Variants in CAP2 observed in about 807,000 individuals in gnomAD.
CAP2 encodes cyclase associated actin cytoskeleton regulatory protein 2, also known as adenylyl cyclase-associated protein 2.
CAP2 carries 24 observed loss-of-function variants against 57.7 expected under a neutral mutation model. The ratio of observed to expected loss-of-function variants is 0.42; its 90% CI spans 0.30 to 0.58. The LOEUF is 0.58. CAP2 is among the 20% of genes least tolerant of loss of function. The probability of loss-of-function intolerance (pLI) is 0.22; values close to 1 mark genes in which losing one functional copy is unlikely to be tolerated. For missense variants in CAP2, 501 were observed against 590.3 expected (o/e 0.85, Z 1.57); for synonymous variants, 194 against 207.2 (o/e 0.94, Z 0.55).
At chr6:17,537,681 A>G (rs963334239) in intron 7 of CAP2, among the ~76,000 whole-genome samples, 3 of 152,170 alleles carry the variant, frequency 2.0e-5, no homozygotes, top group South Asian at 2.1e-4. Context: ...TCCAAGCCAC[A>G]TTTCCATTAC....
At chr6:17,488,337 A>G (rs1761470098) in intron 4 of CAP2, among the ~76,000 whole-genome samples, 1 of 152,170 alleles carries the variant, frequency 6.6e-6, no homozygotes, top group Non-Finnish European at 1.5e-5. Flanking sequence ...ATCCATAAGT[A>G]ATAAGCAAAC....
In CAP2 at chr6:17,478,480, T is replaced by C. The variant is rs183324829; in HGVS notation, c.300+15407T>C. On this transcript the variant is annotated intron_variant, in intron 4 of 12. Transcript: ENST00000229922. ...CTTTTTATTCAGAATACTTTTTTAA[T>C]CTGATAACATTATAAATATCCCTTT... 3.0e-4 allele frequency among the ~76,000 whole-genome samples: 45 copies of C among 152,154 alleles called. No individual in the cohort carries two copies. The East Asian group carries it at 7.9e-3, about 27-fold the overall frequency.
In CAP2 at chr6:17,513,780, C is replaced by T. The variant is rs1464176561; in HGVS notation, c.531-69C>T. The T allele has an allele frequency of 2.8e-6, 3 of 1,066,434 alleles. No homozygotes were observed. The African/African-American group carries it at 4.8e-5, about 17-fold the overall frequency. The allele number at this position is 1,066,434 out of a possible 1,614,324, so 66.1% of individuals were successfully genotyped here. A position where few individuals can be genotyped will look rare whatever the true frequency, so the allele number is the denominator to read the frequency against. On this transcript the variant is annotated intron_variant, in intron 6 of 12. Coordinates refer to ENST00000229922, the MANE Select transcript of CAP2 (RefSeq NM_006366.3). The surrounding 1 kb of genome is among the most constrained non-coding windows in gnomAD (Gnocchi z 4.3). ...CCTAGTCACTAGATAACCATGTGCCCCCACAATTTTTTTAAAATTTTATTT... is the reference window on the plus strand; with the variant it reads ...CCTAGTCACTAGATAACCATGTGCCTCCACAATTTTTTTAAAATTTTATTT...
intron 4 of CAP2, among the ~76,000 whole-genome samples, chr6:17,467,892 G>C (rs1760910748): frequency 6.6e-6 from 1 of 152,054 alleles, no homozygotes; most frequent in Admixed American, 6.6e-5. Flanking sequence ...TCAAATAGTA[G>C]GCCTTATTCA....
intron 3 of CAP2, among the ~76,000 whole-genome samples, chr6:17,432,299 T>C (rs1352978941): frequency 1.3e-5 from 2 of 152,142 alleles, no homozygotes; most frequent in Non-Finnish European, 2.9e-5. Context: ...TTAGAATCTG[T>C]GTCTATCCAG....
At chr6:17,504,724 A>AACAC (rs138296308) in intron 4 of CAP2, among the ~76,000 whole-genome samples, 34 of 151,668 alleles carry the variant, frequency 2.2e-4, no homozygotes, top group African/African-American at 7.2e-4. Context: ...TACACACACA[A>AACAC]ACACACACAC....
intron 1 of CAP2, among the ~76,000 whole-genome samples, chr6:17,408,430 T>A (rs1759046115): frequency 6.6e-6 from 1 of 152,086 alleles, no homozygotes; most frequent in African/African-American, 2.4e-5. Context: ...ACCAAGCCAT[T>A]CATGAGGGAT....
intron 7 of CAP2, among the ~76,000 whole-genome samples, chr6:17,523,243 A>G (rs1282563255): frequency 6.6e-6 from 1 of 152,200 alleles, no homozygotes; most frequent in African/African-American, 2.4e-5. Flanking sequence ...AGGACAAGGG[A>G]CATAAAATCT....
intron 11 of CAP2, among the ~76,000 whole-genome samples, chr6:17,549,049 A>T (rs554009766): frequency 6.6e-6 from 1 of 152,236 alleles, no homozygotes; most frequent in South Asian, 2.1e-4. Context: ...AATTTAAATT[A>T]TATGTTTAAC....
chr6:17,534,541 C>T (rs1027031365), intron 7 of CAP2, among the ~76,000 whole-genome samples: 3 of 152,174 alleles, frequency 2.0e-5, no homozygotes, highest in Admixed American at 6.5e-5. Context: ...ACAAGGTTTG[C>T]CCATCTGGGA....
chr6:17,446,404 A>T (rs974721915), intron 3 of CAP2, among the ~76,000 whole-genome samples: 1 of 152,220 alleles, frequency 6.6e-6, no homozygotes, highest in Non-Finnish European at 1.5e-5. Context: ...TTATATGAGT[A>T]TATAGTTATG....
At chr6:17,407,541 C>G (rs1581491749) in intron 1 of CAP2, among the ~76,000 whole-genome samples, 1 of 151,416 alleles carries the variant, frequency 6.6e-6, no homozygotes, top group South Asian at 2.1e-4. Flanking sequence ...CTTTTGGAGG[C>G]CAAGGCAGGT....
intron 7 of CAP2, among the ~76,000 whole-genome samples, chr6:17,527,239 CT>C (rs975144882): frequency 1.3e-5 from 2 of 152,150 alleles, no homozygotes; most frequent in African/African-American, 4.8e-5. Context: ...GACTTAGGCC[CT>C]TCTGGCCAAA....
chr6:17,456,553 AAC>A (rs557843323), intron 3 of CAP2, among the ~76,000 whole-genome samples: 52 of 152,268 alleles, frequency 3.4e-4, no homozygotes, highest in African/African-American at 1.2e-3. Flanking sequence ...CAAATCTGAA[AAC>A]ACAGTGTCTC....
intron 3 of CAP2, among the ~76,000 whole-genome samples, chr6:17,451,376 G>T (rs1392897992): frequency 6.6e-6 from 1 of 152,090 alleles, no homozygotes; most frequent in African/African-American, 2.4e-5. Context: ...TCCAGGTTGG[G>T]TGTTTGCTGT....
At chr6:17,405,439 C>G (rs1758935153) in intron 1 of CAP2, among the ~76,000 whole-genome samples, 1 of 151,780 alleles carries the variant, frequency 6.6e-6, no homozygotes, top group Admixed American at 6.6e-5. Flanking sequence ...ACAATAATAA[C>G]TAATAATAAA....
chr6:17,554,926 T>C (rs550755377), intron 12 of CAP2, among the ~76,000 whole-genome samples: 32 of 152,340 alleles, frequency 2.1e-4, no homozygotes, highest in Non-Finnish European at 3.1e-4. Flanking sequence ...CTATTATTCT[T>C]TGTCTGTACG....
At chr6:17,447,114 C>G (rs535476668) in intron 3 of CAP2, among the ~76,000 whole-genome samples, 21 of 151,678 alleles carry the variant, frequency 1.4e-4, no homozygotes, top group African/African-American at 4.9e-4. Context: ...CCTCAAACTC[C>G]TGGGCTCAAG....
intron 4 of CAP2, among the ~76,000 whole-genome samples, chr6:17,490,049 G>A (rs529672459): frequency 3.9e-5 from 6 of 152,208 alleles, no homozygotes; most frequent in African/African-American, 1.4e-4. Context: ...ATGCATGTAA[G>A]TGAAAAACAT....
Sources: gnomAD v4.1 joint callset for allele counts (sites outside exome capture counted in the v4.1 genomes callset) on GRCh38, gnomAD v4.1.1 for gene constraint, Gnocchi (gnomAD v3.1) non-coding constraint, MANE v1.5 for transcripts, NCBI Gene and HGNC (gene_info 2026-07-23, HGNC 2026-07-21) for gene names.